Variants in MAGI2 observed in about 807,000 individuals in gnomAD.
The protein encoded by MAGI2 is membrane-associated guanylate kinase, WW and PDZ domain-containing protein 2.
Under a neutral mutation model 133.3 loss-of-function variants are expected in MAGI2, and 35 were observed. The ratio of observed to expected loss-of-function variants is 0.26; its 90% confidence interval spans 0.20 to 0.35. The LOEUF (loss-of-function observed/expected upper bound fraction) is 0.35, where lower values mean the gene tolerates loss of function less well. MAGI2 is among the 10% of genes least tolerant of loss of function. MAGI2 has a pLI of 1.00. For missense variants in MAGI2, 1,636 were observed against 1,863.4 expected, an observed-to-expected ratio of 0.88 and a Z score of 2.25; for synonymous variants, 729 against 710.6, an observed-to-expected ratio of 1.03 and a Z score of -0.41.
chr7:78,573,233 A>AAT (rs1190975101), intron 3 of MAGI2, among the ~76,000 whole-genome samples: 30 of 44,470 alleles, frequency 6.7e-4, no homozygotes, highest in South Asian at 1.8e-3. Flanking sequence ...TATAAATATA[A>AAT]ATATATATAT....
chr7:79,032,761 G>A (rs1254742408), intron 1 of MAGI2, among the ~76,000 whole-genome samples: 1 of 151,506 alleles, frequency 6.6e-6, no homozygotes, highest in Non-Finnish European at 1.5e-5. Context: ...ACTCAAAGTA[G>A]TAAACATATG....
At chr7:79,121,590 A>G (rs1022095209) in intron 1 of MAGI2, among the ~76,000 whole-genome samples, 1 of 152,108 alleles carries the variant, frequency 6.6e-6, no homozygotes, top group Non-Finnish European at 1.5e-5. Flanking sequence ...TCGCAAATGC[A>G]TTCACATCAA....
At position 78,565,084 on chromosome 7, in the gene MAGI2, GC is replaced by G. The variant is rs202029480; in HGVS notation, c.539-43440del. ...CTGGGATTACAGGTGTGAGCACCGC[GC>G]CCGGCCTCCTTGACCTTCTTTTCTT... On this transcript the variant is annotated intron_variant, in intron 3 of 21. Coordinates refer to ENST00000354212, the MANE Select transcript of MAGI2 (RefSeq NM_012301.4). Among the ~76,000 whole-genome samples, 1,188 of 151,876 alleles carry G rather than the reference GC, an allele frequency of 7.8e-3. 12 individuals carry two copies. The highest frequency in any genetic ancestry group is 0.028 in the African/African-American group (1,145 of 41,434).
At chr7:78,216,674 C>A (rs1163284280) in intron 10 of MAGI2, among the ~76,000 whole-genome samples, 1 of 152,192 alleles carries the variant, frequency 6.6e-6, no homozygotes, top group Non-Finnish European at 1.5e-5. Context: ...TCTTGGTTTG[C>A]TCCAGGGTCA....
intron 9 of MAGI2, among the ~76,000 whole-genome samples, chr7:78,319,275 T>C (rs902642908): frequency 1.3e-5 from 2 of 152,104 alleles, no homozygotes; most frequent in Non-Finnish European, 2.9e-5. Flanking sequence ...AAAGAATATT[T>C]ACCAAACAAA....
intron 1 of MAGI2, among the ~76,000 whole-genome samples, chr7:79,135,964 A>G (rs967423348): frequency 1.5e-4 from 4 of 26,408 alleles, no homozygotes; most frequent in South Asian, 1.7e-3. Context: ...AGAAAGAAAG[A>G]AAGAAAGAAA....
chr7:79,097,181 T>C (rs930551006), intron 1 of MAGI2, among the ~76,000 whole-genome samples: 6 of 152,188 alleles, frequency 3.9e-5, no homozygotes, highest in African/African-American at 1.2e-4. Context: ...CCTTATGATA[T>C]AGGTATTACA....
intron 9 of MAGI2, among the ~76,000 whole-genome samples, chr7:78,292,782 C>G (rs562005556): frequency 6.5e-4 from 99 of 152,258 alleles, no homozygotes; most frequent in African/African-American, 2.1e-3. Flanking sequence ...TAATGCCACA[C>G]ATCTACAACC....
intron 6 of MAGI2, among the ~76,000 whole-genome samples, chr7:78,439,482 TG>T (rs1260687929): frequency 6.6e-6 from 1 of 152,176 alleles, no homozygotes; most frequent in African/African-American, 2.4e-5. Context: ...GGCAGGCCTT[TG>T]TATGACAGCA....
At chr7:79,026,175 TAATTAATCAAATATATTCTCTATTGCCC>T (rs1202019509) in intron 1 of MAGI2, among the ~76,000 whole-genome samples, 7 of 152,188 alleles carry the variant, frequency 4.6e-5, no homozygotes, top group African/African-American at 1.2e-4. Flanking sequence ...AAAGAATACA[TAATTAATCAAATATATTCTCTATTGCCC>T]AATTAATCAA....
At chr7:78,974,377 A>G (rs1804053071) in intron 2 of MAGI2, among the ~76,000 whole-genome samples, 2 of 151,846 alleles carry the variant, frequency 1.3e-5, no homozygotes, top group Admixed American at 6.6e-5. Context: ...TAGACACTGA[A>G]AGATCTATGC....
intron 9 of MAGI2, among the ~76,000 whole-genome samples, chr7:78,280,985 G>T (rs1795513147): frequency 6.6e-6 from 1 of 151,712 alleles, no homozygotes; most frequent in Non-Finnish European, 1.5e-5. Context: ...TCCTTAAACT[G>T]AATCAAAATC....
chr7:78,814,636 A>G (rs1789399667), intron 2 of MAGI2, among the ~76,000 whole-genome samples: 1 of 152,170 alleles, frequency 6.6e-6, no homozygotes, highest in Non-Finnish European at 1.5e-5. Flanking sequence ...GTGTGCACAA[A>G]CCCTGGTGAA....
At chr7:79,013,372 A>T (rs766527351) in intron 1 of MAGI2, among the ~76,000 whole-genome samples, 1 of 152,182 alleles carries the variant, frequency 6.6e-6, no homozygotes, top group Non-Finnish European at 1.5e-5. Flanking sequence ...AGTTAAGCAA[A>T]GCAGTCTGTG....
At chr7:78,885,064 C>A (rs935713801) in intron 2 of MAGI2, among the ~76,000 whole-genome samples, 2 of 152,084 alleles carry the variant, frequency 1.3e-5, no homozygotes, top group African/African-American at 4.8e-5. Flanking sequence ...AAACAGAAAA[C>A]CAAATACCAT....
chr7:79,020,765 T>TAAA lies in MAGI2; in HGVS notation c.302-13562_302-13560dup, dbSNP rs3069467. Among the ~76,000 whole-genome samples, 457 of 139,098 alleles carry TAAA rather than the reference T, an allele frequency of 3.3e-3. 6 individuals are homozygous for TAAA. The highest frequency in any genetic ancestry group is 8.0e-3 in the South Asian group (35 of 4,358). The allele number at this position is 139,098 out of a possible 152,430, so 91.3% of individuals were successfully genotyped here. A position where few individuals can be genotyped will look rare whatever the true frequency, so the allele number is the denominator to read the frequency against. On this transcript the variant is annotated intron_variant, in intron 1 of 21. Coordinates refer to ENST00000354212, the MANE Select transcript of MAGI2 (RefSeq NM_012301.4). ...TGGGTGACAGAGCAAGACTCTGTCT[T>TAAA]AAAAAAAAAAAAAGGAAAGAAAAAA...
chr7:79,011,620 T>C (rs1233984456), intron 1 of MAGI2, among the ~76,000 whole-genome samples: 3 of 152,120 alleles, frequency 2.0e-5, no homozygotes, highest in Non-Finnish European at 4.4e-5. Context: ...ATTGGGATAG[T>C]AGGGGTTAAA....
chr7:79,092,142 A>T (rs1817117795), intron 1 of MAGI2, among the ~76,000 whole-genome samples: 1 of 152,282 alleles, frequency 6.6e-6, no homozygotes, highest in South Asian at 2.1e-4. Flanking sequence ...TCTCTCAGTA[A>T]TAAAAGAGGA....
intron 1 of MAGI2, among the ~76,000 whole-genome samples, chr7:79,420,118 A>C (rs746616152): frequency 1.1e-4 from 16 of 152,090 alleles, no homozygotes; most frequent in Non-Finnish European, 1.6e-4. Context: ...TCTGAGTAGA[A>C]ACCATGCTCT....
Sources: gnomAD v4.1 joint callset for allele counts (sites outside exome capture counted in the v4.1 genomes callset) on GRCh38, gnomAD v4.1.1 for gene constraint, MANE v1.5 for transcripts, NCBI Gene and HGNC (gene_info 2026-07-23, HGNC 2026-07-21) for gene names.